TMPRSS3: variants seen among roughly 807,000 people sequenced by gnomAD.
The protein encoded by TMPRSS3 is transmembrane protease serine 3.
Under a neutral mutation model 59.6 loss-of-function variants are expected in TMPRSS3, and 55 were observed. The observed-to-expected ratio is 0.92, with a 90% CI of 0.74 to 1.16. TMPRSS3 has a LOEUF of 1.16. Among genes scored for constraint, TMPRSS3 ranks in the 50% most tolerant of loss-of-function variants. The pLI is 0.00. For synonymous variants in TMPRSS3, 257 were observed against 237.7 expected (o/e 1.08, Z -0.75); for missense variants, 596 against 579.4 (o/e 1.03, Z -0.29).
chr21:42,374,056 C>T (rs555880816), intron 12 of TMPRSS3, among the ~76,000 whole-genome samples: 1 of 152,318 alleles, frequency 6.6e-6, no homozygotes, highest in Admixed American at 6.5e-5. Flanking sequence ...CTTTCCTGCC[C>T]TTTGCCCTCT....
At position 42,372,442 on chromosome 21, in the gene TMPRSS3, C is replaced by T. The variant is rs1217035143; in HGVS notation, c.*320G>A. ...GGGTGTGGTGGCGGGCACCTGTGGTCCCAGCTACTGGGGAAGCTGAGGCAA... is the reference window on the plus strand; with the variant it reads ...GGGTGTGGTGGCGGGCACCTGTGGTTCCAGCTACTGGGGAAGCTGAGGCAA... On this transcript the variant is annotated 3_prime_UTR_variant, in exon 13 of 13. Transcript: ENST00000644384. 5.6e-6 allele frequency: 3 copies of T among 535,158 alleles called. No homozygotes were observed. Among genetic ancestry groups the T allele is most frequent in the African/African-American group, 1.9e-5 (1 of 52,952 alleles). 33.2% of individuals were successfully genotyped at this position (535,158 alleles called of 1,614,324 possible). A position where few individuals can be genotyped will look rare whatever the true frequency, so the allele number is the denominator to read the frequency against.
chr21:42,395,336 G>A lies in TMPRSS3; in HGVS notation c.82C>T (p.Pro28Ser). The change falls in exon 2 of 13, where the codon CCT (proline) becomes TCT (serine). Residue 28 changes from proline to serine, a missense_variant. Coordinates refer to ENST00000644384, the MANE Select transcript of TMPRSS3 (RefSeq NM_001256317.3). Reference protein sequence around the residue: ...LFGLDDLKISPVAPDADAVAA... With the variant: ...LFGLDDLKISSVAPDADAVAA... ...TGGGTCCACTTACCTGGTGCAACAG[G>A]ACTTATTTTCAAATCATCAAGGCCA... 2 of 1,613,904 alleles carry A rather than the reference G, an allele frequency of 1.2e-6. No individual in the cohort carries two copies. Among genetic ancestry groups the A allele is most frequent in the Non-Finnish European group, 1.7e-6 (2 of 1,179,982 alleles).
chr21:42,377,587 C>T (rs1377719974), intron 10 of TMPRSS3, among the ~76,000 whole-genome samples: 2 of 152,214 alleles, frequency 1.3e-5, no homozygotes, highest in Non-Finnish European at 2.9e-5. Context: ...TCACAGGAGA[C>T]TTAATCCACG....
chr21:42,391,937 GA>G (rs1437691330), intron 2 of TMPRSS3, among the ~76,000 whole-genome samples: 1 of 152,212 alleles, frequency 6.6e-6, no homozygotes, highest in Non-Finnish European at 1.5e-5. Context: ...GGCAGCAGGA[GA>G]ATTCCCACTA....
chr21:42,373,957 G>A (rs1351451582), intron 12 of TMPRSS3, among the ~76,000 whole-genome samples: 1 of 152,174 alleles, frequency 6.6e-6, no homozygotes. Flanking sequence ...GGGACTTTTA[G>A]GATCACCAGC....
chr21:42,382,666 C>A (rs9984719), intron 8 of TMPRSS3: 60,441 of 403,030 alleles, frequency 0.15, 5,766 homozygotes, highest in East Asian at 0.3. Context: ...CCAACATATT[C>A]CCTCTAGCCT....
rs1227615454 is a variant in TMPRSS3 at position 42,388,486 on chromosome 21, T to C, written c.363A>G (p.Thr121=). 4 of 1,614,106 alleles carry C rather than the reference T, an allele frequency of 2.5e-6. No homozygotes were observed. The highest frequency in any genetic ancestry group is 2.5e-6 in the Non-Finnish European group (3 of 1,180,050). Residue 121 remains threonine, a synonymous_variant, in exon 5 of 13, where the codon ACA becomes ACG. Transcript: ENST00000644384. The surrounding 1 kb of genome is among the most constrained non-coding windows in gnomAD (Gnocchi z 5.1). ...GGQNAVLQVF[T]AASWKTMCSD... ...AGCACATGGTCTTCCACGAAGCAGCTGTGAACACCTGGAGCACGGCATTCT... is the reference window on the plus strand; with the variant it reads ...AGCACATGGTCTTCCACGAAGCAGCCGTGAACACCTGGAGCACGGCATTCT...
chr21:42,380,114 G>T lies in TMPRSS3; in HGVS notation c.1048+3C>A. Reference sequence around the variant, plus strand: ...CTCCGAATCTTGGCTTCAGCCCACTGACCTCCATCCTCTGTGGCCCCCCAT... The same window carrying T: ...CTCCGAATCTTGGCTTCAGCCCACTTACCTCCATCCTCTGTGGCCCCCCAT... On this transcript the variant is annotated splice_donor_region_variant and intron_variant, in intron 10 of 12. Transcript: ENST00000644384. The T allele has an allele frequency of 6.2e-7, 1 of 1,613,072 alleles. No homozygotes were observed.
chr21:42,394,326 A>G (rs965373287), intron 2 of TMPRSS3, among the ~76,000 whole-genome samples: 1 of 152,312 alleles, frequency 6.6e-6, no homozygotes, highest in African/African-American at 2.4e-5. Context: ...TTGATGGAAT[A>G]CTGTGATTCC....
chr21:42,395,171 G>A (rs558970861), intron 2 of TMPRSS3, among the ~76,000 whole-genome samples, 153 bp downstream of exon 2: 1 of 152,314 alleles, frequency 6.6e-6, no homozygotes, highest in Admixed American at 6.5e-5. Context: ...CCTTCTCCCT[G>A]AGATTCTGCA....
intron 7 of TMPRSS3, chr21:42,383,701 G>T (rs548887701): frequency 7.5e-6 from 5 of 668,746 alleles, no homozygotes; most frequent in East Asian, 2.9e-5. Flanking sequence ...GGGACTCAAG[G>T]CTCTTCAGAG....
intron 2 of TMPRSS3, among the ~76,000 whole-genome samples, chr21:42,392,507 T>G (rs2052746279): frequency 6.6e-6 from 1 of 152,178 alleles, no homozygotes; most frequent in Non-Finnish European, 1.5e-5. Flanking sequence ...AGCTGCATTA[T>G]CCATACCTAG....
In TMPRSS3 at chr21:42,388,480, A is replaced by G. The variant is rs1306400422; in HGVS notation, c.369T>C (p.Ala123=). 1.2e-6 allele frequency: 2 copies of G among 1,614,214 alleles called. No homozygotes were observed. Among genetic ancestry groups the G allele is most frequent in the South Asian group, 2.2e-5 (2 of 91,084 alleles). ...CATCGGAGCACATGGTCTTCCACGA[A>G]GCAGCTGTGAACACCTGGAGCACGG... ...QNAVLQVFTA[A]SWKTMCSDDW... is the part of the protein sequence containing the mutation. The change falls in exon 5 of 13, where the codon GCT becomes GCC. Residue 123 remains alanine (A), a synonymous_variant. Transcript: ENST00000644384. This position sits in a 1 kb window ranked among gnomAD's most constrained non-coding sequence, Gnocchi z 5.1.
In TMPRSS3 at chr21:42,385,418, A is replaced by G. The variant is rs1252782539; in HGVS notation, c.563T>C (p.Val188Ala). 6.2e-7 allele frequency: 1 copy of G among 1,613,900 alleles called. No homozygotes were observed. Among genetic ancestry groups the G allele is most frequent in the Middle Eastern group, 1.7e-4 (1 of 6,060 alleles). ...TCGCCTGACCACCTACCTCACATATACTGAGTGGTGTAATGCAGTCACCTT... is the reference window on the plus strand; with the variant it reads ...TCGCCTGACCACCTACCTCACATATGCTGAGTGGTGTAATGCAGTCACCTT... ...DDKVTALHHS[V>A]YVREGCASGH... is the part of the protein sequence containing the mutation. Residue 188 changes from valine to alanine, a missense_variant, in exon 6 of 13, where the codon GTA becomes GCA. Coordinates refer to ENST00000644384, the MANE Select transcript of TMPRSS3 (RefSeq NM_001256317.3).
At chr21:42,382,764 G>T in intron 8 of TMPRSS3, 2 of 541,138 alleles carry the variant, frequency 3.7e-6, no homozygotes, top group East Asian at 3.3e-5. Context: ...ATTTTTGTGG[G>T]TTTCCTCCAG....
intron 5 of TMPRSS3, among the ~76,000 whole-genome samples, chr21:42,386,255 T>C (rs74820279): frequency 6.6e-6 from 1 of 152,188 alleles, no homozygotes; most frequent in South Asian, 2.1e-4. Context: ...CTTGTTTTCA[T>C]AGTGAACACA....
At chr21:42,380,272 C>T in intron 9 of TMPRSS3, 60 bp from the exon 10 acceptor site, 24 of 1,378,252 alleles carry the variant, frequency 1.7e-5, no homozygotes, top group Non-Finnish European at 2.5e-5. Context: ...AGAAAACAAT[C>T]TCATCTATGC....
At chr21:42,384,049 C>T (rs533969258) in intron 6 of TMPRSS3, 36 bp from the exon 7 acceptor site, 16 of 1,609,664 alleles carry the variant, frequency 9.9e-6, no homozygotes, top group Non-Finnish European at 1.4e-5. Flanking sequence ...GTGAAAAATG[C>T]CCCAGATCTG....
chr21:42,386,629 C>T (rs28444088), intron 5 of TMPRSS3, among the ~76,000 whole-genome samples: 3,390 of 152,292 alleles, frequency 0.022, 51 homozygotes, highest in Admixed American at 0.03. Context: ...ACACTCACAG[C>T]GTCAGCGGAA....
Sources: gnomAD v4.1 joint callset for allele counts (sites outside exome capture counted in the v4.1 genomes callset) on GRCh38, gnomAD v4.1.1 for gene constraint, Gnocchi (gnomAD v3.1) non-coding constraint, MANE v1.5 for transcripts, NCBI Gene and HGNC (gene_info 2026-07-23, HGNC 2026-07-21) for gene names.